POLD3: variants seen among roughly 807,000 people sequenced by gnomAD.
POLD3 encodes the protein DNA polymerase delta subunit 3.
In POLD3, 19 loss-of-function variants were observed where a neutral mutation model predicts 58.2. The observed-to-expected ratio is 0.33, with a 90% CI of 0.23 to 0.48. The LOEUF (loss-of-function observed/expected upper bound fraction) is 0.48. Among genes scored for constraint, POLD3 ranks in the 20% least tolerant of loss-of-function variants. The pLI is 0.99. For missense variants in POLD3, 504 were observed against 545.5 expected (o/e 0.92, Z 0.76); for synonymous variants, 172 against 193.5 (o/e 0.89, Z 0.92).
At chr11:74,631,419 A>C (rs1263279565) in intron 9 of POLD3, among the ~76,000 whole-genome samples, 2 of 149,062 alleles carry the variant, frequency 1.3e-5, no homozygotes, top group Non-Finnish European at 3.0e-5. Context: ...AAATAAGATG[A>C]TGTGTCAGAA....
intron 8 of POLD3, among the ~76,000 whole-genome samples, chr11:74,627,163 C>A (rs1057413410): frequency 1.3e-5 from 2 of 151,942 alleles, no homozygotes; most frequent in Non-Finnish European, 2.9e-5. Context: ...GTGTTACTGC[C>A]CCTGAAGAAG....
chr11:74,658,323 C>T (rs1168189304), intron 4 of POLD3, among the ~76,000 whole-genome samples: 1 of 152,160 alleles, frequency 6.6e-6, no homozygotes, highest in African/African-American at 2.4e-5. Context: ...CGGGGTCCCT[C>T]CCACAATATG....
chr11:74,600,228 G>A (rs1375102412), intron 2 of POLD3, among the ~76,000 whole-genome samples: 3 of 152,170 alleles, frequency 2.0e-5, no homozygotes, highest in Non-Finnish European at 4.4e-5. Context: ...ACAGGCATGA[G>A]CCACTGTGCC....
At position 74,641,395 on chromosome 11, in the gene POLD3, C is replaced by T; in HGVS notation, c.*629C>T. 8.1e-6 allele frequency: 8 copies of T among 985,430 alleles called. No homozygotes were observed. The highest frequency in any genetic ancestry group is 9.6e-6 in the Non-Finnish European group (8 of 829,932). 61.0% of individuals were successfully genotyped at this position (985,430 alleles called of 1,614,324 possible). A position where few individuals can be genotyped will look rare whatever the true frequency, so the allele number is the denominator to read the frequency against. On this transcript the variant is annotated 3_prime_UTR_variant, in exon 12 of 12. Transcript: ENST00000263681. ...GACGTGGCTTGTGTTCTGTTCCTTT[C>T]ACAAAAGCTCTCTGGGACCTTCACT...
chr11:74,637,381 T>C (rs7112664), intron 11 of POLD3, among the ~76,000 whole-genome samples: 18,083 of 151,158 alleles, frequency 0.12, 1,367 homozygotes, highest in African/African-American at 0.21. Context: ...GCCAAATTTC[T>C]TGTGAACCTG....
At chr11:74,636,060 A>G (rs1392384840) in intron 10 of POLD3, 137 bp from the exon 11 acceptor site, 23 of 809,242 alleles carry the variant, frequency 2.8e-5, no homozygotes, top group Non-Finnish European at 3.9e-6. Context: ...GTTCTCTAAA[A>G]CTAATGTAGA....
Position 74,609,368 on chromosome 11 carries a change from ATATATTTTTTTTT to A in POLD3, c.220-2129_220-2117del, listed in dbSNP as rs1439308135. ...TTGATATATATATATATATATATATATATATTTTTTTTTTTTTTTTTTTTTTTTTTGAGATGGA... is the reference window on the plus strand; with the variant it reads ...TTGATATATATATATATATATATATATTTTTTTTTTTTTTTTTGAGATGGA... On this transcript the variant is annotated intron_variant, in intron 3 of 11. Transcript: ENST00000263681. Among the ~76,000 whole-genome samples, 187 of 21,206 alleles carry A rather than the reference ATATATTTTTTTTT, an allele frequency of 8.8e-3. 1 individual carries two copies. The highest frequency in any genetic ancestry group is 0.083 in the Middle Eastern group (2 of 24). The allele number at this position is 21,206 out of a possible 152,430, so 13.9% of individuals were successfully genotyped here. A position where few individuals can be genotyped will look rare whatever the true frequency, so the allele number is the denominator to read the frequency against.
intron 4 of POLD3, among the ~76,000 whole-genome samples, chr11:74,650,714 C>T (rs2033058259): frequency 6.6e-6 from 1 of 152,200 alleles, no homozygotes; most frequent in East Asian, 1.9e-4. Context: ...TCAGTCCACT[C>T]ATTCAATAGC....
chr11:74,641,213 C>CT lies in POLD3; in HGVS notation c.*449dup. On this transcript the variant is annotated 3_prime_UTR_variant, in exon 12 of 12. Coordinates refer to ENST00000263681, the MANE Select transcript of POLD3 (RefSeq NM_006591.3). The stretch of plus-strand genomic sequence containing the variant: ...CATTCTGCTGGATACGTTTACCCCT[C>CT]TTGTCTTCCTGCAGTACCACACTTC... 1.0e-6 allele frequency: 1 copy of CT among 985,664 alleles called. No homozygotes were observed. 61.1% of individuals were successfully genotyped at this position (985,664 alleles called of 1,614,324 possible). A position where few individuals can be genotyped will look rare whatever the true frequency, so the allele number is the denominator to read the frequency against.
rs2032691776 is a variant in POLD3, at chr11:74,634,597, C to T, written c.1021C>T (p.Pro341Ser). ...CATTATTTCAGTCTTTCCAGACTCT[C>T]CTGGGGCTTATGAAGCTGAGTCACC... ...SSEDEVFPDS[P>S]GAYEAESPSP... The change falls in exon 10 of 12, where the codon CCT (proline) becomes TCT (serine). Residue 341 changes from proline to serine, a missense_variant. By Grantham distance (74) the Pro-to-Ser change is moderately conservative (BLOSUM62 -1). This residue lies in a region of POLD3 where 385 missense variants were observed against 370.5 expected (regional missense o/e 1.04). Coordinates refer to ENST00000263681, the MANE Select transcript of POLD3 (RefSeq NM_006591.3). 4.4e-6 allele frequency: 7 copies of T among 1,602,200 alleles called. No homozygotes were observed. The highest frequency in any genetic ancestry group is 1.1e-5 in the South Asian group (1 of 90,840).
intron 4 of POLD3, 32 bp downstream of exon 4, chr11:74,611,570 C>T (rs371193637): frequency 2.3e-6 from 3 of 1,297,210 alleles, no homozygotes; most frequent in Non-Finnish European, 3.3e-6. Context: ...CAAGTTTTTC[C>T]TCTTATGGCA....
chr11:74,626,139 T>G (rs1187899905), intron 8 of POLD3, among the ~76,000 whole-genome samples: 3 of 152,164 alleles, frequency 2.0e-5, no homozygotes, highest in African/African-American at 7.2e-5. Context: ...CTGTCAACAC[T>G]GATAGGCCTA....
At chr11:74,665,235 A>G (rs1388803777) in intron 4 of POLD3, among the ~76,000 whole-genome samples, 1 of 150,568 alleles carries the variant, frequency 6.6e-6, no homozygotes, top group Non-Finnish European at 1.5e-5. Context: ...TGAAAATGAA[A>G]ATCACTTGAA....
chr11:74,618,043 A>G (rs1177924846), intron 5 of POLD3, among the ~76,000 whole-genome samples: 1 of 152,156 alleles, frequency 6.6e-6, no homozygotes, highest in Non-Finnish European at 1.5e-5. Flanking sequence ...ACTCTGGCCA[A>G]GAGAGTTGCC....
At chr11:74,620,977 G>A (rs2032235296) in intron 7 of POLD3, among the ~76,000 whole-genome samples, 1 of 150,466 alleles carries the variant, frequency 6.6e-6, no homozygotes, top group South Asian at 2.1e-4. Flanking sequence ...TTTTGTGTTT[G>A]CTGTAAAAGC....
At chr11:74,615,175 A>T (rs1028762800) in intron 5 of POLD3, among the ~76,000 whole-genome samples, 1 of 152,244 alleles carries the variant, frequency 6.6e-6, no homozygotes, top group Non-Finnish European at 1.5e-5. Flanking sequence ...TCTTGTCAGT[A>T]AAGCTGACAG....
At chr11:74,627,663 A>G (rs1341130366) in intron 8 of POLD3, among the ~76,000 whole-genome samples, 3 of 152,108 alleles carry the variant, frequency 2.0e-5, no homozygotes, top group Non-Finnish European at 4.4e-5. Context: ...AATCTTTTTT[A>G]TACAGTATTT....
chr11:74,596,035 T>A (rs1034102330), intron 2 of POLD3, among the ~76,000 whole-genome samples: 50 of 150,890 alleles, frequency 3.3e-4, no homozygotes, highest in African/African-American at 1.1e-3. Context: ...ATCTTATTTT[T>A]TTTTTTTTTT....
In POLD3 at chr11:74,642,655, T is replaced by TG; in HGVS notation, c.*1889_*1890insG. ...AGGCTTAGTAAGTATTGAGTGGTGT[T>TG]TTTTTTTTCTTTTTATACAATACCA... On this transcript the variant is annotated 3_prime_UTR_variant, in exon 12 of 12. Coordinates refer to ENST00000263681, the MANE Select transcript of POLD3 (RefSeq NM_006591.3). 2.1e-6 allele frequency: 2 copies of TG among 951,374 alleles called. No individual in the cohort carries two copies. Among genetic ancestry groups the TG allele is most frequent in the Non-Finnish European group, 2.5e-6 (2 of 803,190 alleles). The allele number at this position is 951,374 out of a possible 1,614,324, so 58.9% of individuals were successfully genotyped here.
Sources: allele counts gnomAD v4.1 joint callset (sites outside exome capture counted in the v4.1 genomes callset), GRCh38; gene constraint gnomAD v4.1.1; regional missense constraint gnomAD v4.1.1; transcripts MANE v1.5; gene names NCBI Gene and HGNC (gene_info 2026-07-23, HGNC 2026-07-21).